Variants in ALCAM observed in about 807,000 individuals in gnomAD.
The protein encoded by ALCAM is activated leukocyte cell adhesion molecule.
A neutral mutation model predicts 70.9 loss-of-function variants in ALCAM; 30 were observed. That is an observed-to-expected ratio of 0.42 (90% CI 0.32 to 0.57). The LOEUF is 0.57. ALCAM is among the 20% of genes least tolerant of loss of function. ALCAM has a pLI of 0.11. For synonymous variants in ALCAM, 249 were observed against 242.5 expected (o/e 1.03, Z -0.25); for missense variants, 591 against 695.1 (o/e 0.85, Z 1.68).
At chr3:105,386,035 T>C (rs1187475153) in intron 1 of ALCAM, among the ~76,000 whole-genome samples, 2 of 151,608 alleles carry the variant, frequency 1.3e-5, no homozygotes, top group African/African-American at 2.4e-5. Flanking sequence ...TACTATTGAA[T>C]GATCTGCTCT....
chr3:105,553,717 C>T (rs532783767), intron 14 of ALCAM, among the ~76,000 whole-genome samples: 2 of 151,960 alleles, frequency 1.3e-5, no homozygotes, highest in East Asian at 3.9e-4. Context: ...CATGTTCTCA[C>T]AACACATCTA....
At chr3:105,430,272 T>C (rs943010724) in intron 1 of ALCAM, among the ~76,000 whole-genome samples, 2 of 152,044 alleles carry the variant, frequency 1.3e-5, no homozygotes, top group African/African-American at 4.8e-5. Flanking sequence ...ATTCATATTT[T>C]ATTCAGTTTT....
chr3:105,540,299 A>T lies in ALCAM; in HGVS notation c.858+197A>T, dbSNP rs542014731. On this transcript the variant is annotated intron_variant, in intron 7 of 15. Transcript: ENST00000306107. ...TCAATGCTGAGAGATTTCAAGGACA[A>T]AGAGAAAAAAAAAGCCAACCACAGG... Among the ~76,000 whole-genome samples the T allele has an allele frequency of 0.012, 116 of 9,834 alleles. No homozygotes were observed. The Non-Finnish European group carries it at 0.17, about 14-fold the overall frequency. 6.5% of individuals were successfully genotyped at this position (9,834 alleles called of 152,430 possible).
At position 105,452,241 on chromosome 3, in the gene ALCAM, C is replaced by CT. The variant is rs1363663575; in HGVS notation, c.74-67825dup. ...CCTCACTCCCACCTCCCAACAGGCC[C>CT]TAGTATGTGTTTTTCCCCTCTCTGT... is the stretch of plus-strand genomic sequence containing the variant. On this transcript the variant is annotated intron_variant, in intron 1 of 15. Transcript: ENST00000306107. Among the ~76,000 whole-genome samples, 3 of 152,010 alleles carry CT rather than the reference C, an allele frequency of 2.0e-5. No individual in the cohort carries two copies. In the East Asian group the frequency reaches 5.8e-4, roughly 29 times the overall value.
At chr3:105,434,308 G>A (rs1021267273) in intron 1 of ALCAM, among the ~76,000 whole-genome samples, 2 of 152,096 alleles carry the variant, frequency 1.3e-5, no homozygotes, top group Non-Finnish European at 2.9e-5. Context: ...GAGAAAACAT[G>A]CAGGAAAACA....
intron 1 of ALCAM, among the ~76,000 whole-genome samples, chr3:105,448,794 G>T (rs985246406): frequency 6.6e-6 from 1 of 152,290 alleles, no homozygotes; most frequent in Admixed American, 6.5e-5. Flanking sequence ...GGACAAGAGG[G>T]TGACAGACAT....
At chr3:105,532,419 A>G (rs916807972) in intron 4 of ALCAM, among the ~76,000 whole-genome samples, 1 of 152,154 alleles carries the variant, frequency 6.6e-6, no homozygotes, top group Non-Finnish European at 1.5e-5. Flanking sequence ...AATGTACAGC[A>G]TGGCAAGACC....
At chr3:105,400,230 G>A (rs1231802623) in intron 1 of ALCAM, among the ~76,000 whole-genome samples, 1 of 152,108 alleles carries the variant, frequency 6.6e-6, no homozygotes, top group Non-Finnish European at 1.5e-5. Context: ...CTTATAGCAT[G>A]TTTGTGGGTA....
intron 1 of ALCAM, among the ~76,000 whole-genome samples, chr3:105,471,572 G>A (rs1042135427): frequency 2.0e-5 from 3 of 149,178 alleles, no homozygotes; most frequent in African/African-American, 7.4e-5. Flanking sequence ...CTGATCAGCT[G>A]CGAAGTAATA....
intron 1 of ALCAM, among the ~76,000 whole-genome samples, chr3:105,486,551 C>A (rs1166226463): frequency 6.6e-6 from 1 of 152,038 alleles, no homozygotes; most frequent in Non-Finnish European, 1.5e-5. Flanking sequence ...AAGGAATTAG[C>A]TTTTGTTTTT....
intron 4 of ALCAM, among the ~76,000 whole-genome samples, chr3:105,532,533 T>C (rs1412458057): frequency 6.6e-6 from 1 of 152,064 alleles, no homozygotes; most frequent in Non-Finnish European, 1.5e-5. Flanking sequence ...TGCTTGAGCC[T>C]AGGAGGTCAA....
chr3:105,436,136 A>G (rs779522782), intron 1 of ALCAM, among the ~76,000 whole-genome samples: 39 of 152,128 alleles, frequency 2.6e-4, no homozygotes, highest in Non-Finnish European at 4.7e-4. Context: ...TGATTCAATC[A>G]TCTCCCACCA....
intron 1 of ALCAM, among the ~76,000 whole-genome samples, chr3:105,439,788 A>C (rs1937131439): frequency 6.6e-6 from 1 of 152,198 alleles, no homozygotes; most frequent in African/African-American, 2.4e-5. Flanking sequence ...ATATTTCTGA[A>C]GGAGTCTTCC....
intron 1 of ALCAM, among the ~76,000 whole-genome samples, chr3:105,455,831 T>C (rs1456470088): frequency 6.6e-6 from 1 of 152,226 alleles, no homozygotes; most frequent in Non-Finnish European, 1.5e-5. Flanking sequence ...GCTTCACACC[T>C]GTAATCCTAG....
At chr3:105,476,132 G>A (rs533813078) in intron 1 of ALCAM, among the ~76,000 whole-genome samples, 2 of 152,106 alleles carry the variant, frequency 1.3e-5, no homozygotes, top group South Asian at 4.1e-4. Context: ...TGCATTCCAA[G>A]CTATTGATGA....
chr3:105,483,330 A>C (rs867353785), intron 1 of ALCAM, among the ~76,000 whole-genome samples: 1 of 152,152 alleles, frequency 6.6e-6, no homozygotes, highest in South Asian at 2.1e-4. Context: ...AAAGAGAGGA[A>C]AGGGTGGGAG....
intron 1 of ALCAM, among the ~76,000 whole-genome samples, chr3:105,464,426 T>C (rs7652266): frequency 0.99 from 149,364 of 151,202 alleles, 73,799 homozygotes; most frequent in Middle Eastern, 1. Flanking sequence ...TTACTCAAGG[T>C]AGGACAATCT....
intron 1 of ALCAM, among the ~76,000 whole-genome samples, chr3:105,401,503 A>G (rs1055900213): frequency 1.3e-5 from 2 of 152,192 alleles, no homozygotes; most frequent in Non-Finnish European, 2.9e-5. Context: ...TTGTTTATTC[A>G]TTCATTCATC....
chr3:105,382,960 T>A (rs2107338018), intron 1 of ALCAM, among the ~76,000 whole-genome samples: 1 of 151,970 alleles, frequency 6.6e-6, no homozygotes, highest in East Asian at 1.9e-4. Flanking sequence ...TTTCTTACAT[T>A]TCTCAGAACA....
Sources: allele counts gnomAD v4.1 joint callset (sites outside exome capture counted in the v4.1 genomes callset), GRCh38; gene constraint gnomAD v4.1.1; transcripts MANE v1.5; gene names NCBI Gene and HGNC (gene_info 2026-07-23, HGNC 2026-07-21).